Variants in SLX4 observed in about 807,000 individuals in gnomAD.
The protein encoded by SLX4 is structure-specific endonuclease subunit SLX4.
Under a neutral mutation model 146.2 loss-of-function variants are expected in SLX4, and 112 were observed. That is an observed-to-expected ratio of 0.77 (90% CI 0.66 to 0.90). The LOEUF is 0.90. SLX4 is among the 40% of genes least tolerant of loss of function. The pLI, the probability that SLX4 is intolerant of heterozygous loss-of-function variation, is 0.00. For synonymous variants in SLX4, 1,061 were observed against 997.7 expected (o/e 1.06, Z -1.20); for missense variants, 2,563 against 2,392.7 (o/e 1.07, Z -1.49).
intron 5 of SLX4, among the ~76,000 whole-genome samples, chr16:3,599,759 T>A (rs1432144820): frequency 3.3e-5 from 5 of 152,068 alleles, no homozygotes; most frequent in Admixed American, 6.6e-5. Context: ...GCTAATTTTT[T>A]AATTTTTTGT....
rs750475726 is a variant in SLX4 at position 3,602,262 on chromosome 16, G to A, written c.806C>T (p.Ala269Val). ...TGCAAACTCCTGCTGCAGGGTCAAG[G>A]CCACCGCAGCGTCGCTCTCTGGGGC... ...PPAPESDAAV[A>V]LTLQQEFARV... Residue 269 changes from alanine to valine, a missense_variant, in exon 4 of 15, where the codon GCC (alanine) becomes GTC (valine). Coordinates refer to ENST00000294008, the MANE Select transcript of SLX4 (RefSeq NM_032444.4). The A allele has an allele frequency of 6.2e-6, 10 of 1,614,030 alleles. No homozygotes were observed. Among genetic ancestry groups the A allele is most frequent in the Non-Finnish European group, 8.5e-6 (10 of 1,180,050 alleles).
chr16:3,589,143 C>G lies in SLX4; in HGVS notation c.4495G>C (p.Gly1499Arg), dbSNP rs746008018. Residue 1499 changes from glycine to arginine, a missense_variant, in exon 12 of 15, where the codon GGG becomes CGG. Transcript: ENST00000294008. The surrounding 1 kb of genome is among the most constrained non-coding windows in gnomAD (Gnocchi z 6.2). ...TTCAGAAAGCTCGGCCTGCTATTCC[C>G]CAGGGAGCCCGCGCCCGAGGACTTC... ...QEKSSGAGSL[G>R]NSRPSFLNSA... 1 of 1,614,134 alleles carries G rather than the reference C, an allele frequency of 6.2e-7. No homozygotes were observed. Among genetic ancestry groups the G allele is most frequent in the Non-Finnish European group, 8.5e-7 (1 of 1,179,994 alleles).
intron 3 of SLX4, among the ~76,000 whole-genome samples, chr16:3,603,564 G>A (rs895134099): frequency 1.3e-5 from 2 of 152,216 alleles, no homozygotes; most frequent in Non-Finnish European, 2.9e-5. Flanking sequence ...AGACTCCTCC[G>A]TGCTACTGCA....
At position 3,597,959 on chromosome 16, in the gene SLX4, T is replaced by C. The variant is rs1360701575; in HGVS notation, c.1204A>G (p.Thr402Ala). ...HSRGLKRRGPTSKKEPRKRRK... is the reference protein window; with the variant it reads ...HSRGLKRRGPASKKEPRKRRK... ...CTCTTCCGTGGCTCCTTCTTGCTGG[T>C]GGGTCCTCTCCGTTTCAGACCTCTA... is the stretch of plus-strand genomic sequence containing the variant. Residue 402 changes from threonine to alanine, a missense_variant, in exon 6 of 15, where the codon ACC becomes GCC. Physicochemically the swap from Thr to Ala is moderately conservative, Grantham distance 58. Coordinates refer to ENST00000294008, the MANE Select transcript of SLX4 (RefSeq NM_032444.4). This position sits in a 1 kb window ranked among gnomAD's most constrained non-coding sequence, Gnocchi z 4.4. 3 of 1,614,028 alleles carry C rather than the reference T, an allele frequency of 1.9e-6. No individual in the cohort carries two copies. The highest frequency in any genetic ancestry group is 2.5e-6 in the Non-Finnish European group (3 of 1,180,038).
At position 3,589,655 on chromosome 16, in the gene SLX4, AC is replaced by A; in HGVS notation, c.3982del (p.Val1328SerfsTer47). 3.7e-6 allele frequency: 6 copies of A among 1,613,898 alleles called. No homozygotes were observed. Among genetic ancestry groups the A allele is most frequent in the Non-Finnish European group, 5.1e-6 (6 of 1,179,992 alleles). The part of the protein sequence containing the change: ...PQTPSSCLTP[V>X]SPGTSDGRRQ... ...TCTGCCGTCAGAAGTTCCTGGAGAGACGGGAGTGAGGCATGAGGACGGTGTC... is the reference window on the plus strand; with the variant it reads ...TCTGCCGTCAGAAGTTCCTGGAGAGAGGGAGTGAGGCATGAGGACGGTGTC... On this transcript the variant is annotated frameshift_variant, in exon 12 of 15. Coordinates refer to ENST00000294008, the MANE Select transcript of SLX4 (RefSeq NM_032444.4). LOFTEE classifies it high-confidence loss of function. The surrounding 1 kb of genome is among the most constrained non-coding windows in gnomAD (Gnocchi z 6.2).
intron 5 of SLX4, among the ~76,000 whole-genome samples, chr16:3,599,056 T>C (rs1021916398): frequency 1.1e-4 from 16 of 152,218 alleles, no homozygotes; most frequent in African/African-American, 3.9e-4. Context: ...GTTTCAGTAC[T>C]TGGAGGTATT....
chr16:3,589,839 G>A lies in SLX4; in HGVS notation c.3799C>T (p.Arg1267Cys), dbSNP rs201422743. 13 of 1,613,408 alleles carry A rather than the reference G, an allele frequency of 8.1e-6. No individual in the cohort carries two copies. The highest frequency in any genetic ancestry group is 5.0e-5 in the Admixed American group (3 of 60,020). ...VPATPLASRS[R>C]DCSSQTQISS... ...ATTTGGGTCTGGGAAGAACAGTCAC[G>A]GCTTCTGCTGGCCAGCGGGGTGGCG... The change falls in exon 12 of 15, where the codon CGT becomes TGT. Residue 1267 changes from arginine (R) to cysteine (C), a missense_variant. Transcript: ENST00000294008. This position sits in a 1 kb window ranked among gnomAD's most constrained non-coding sequence, Gnocchi z 6.2.
chr16:3,609,967 CAGAAAGAGACA>C (rs2040833584), intron 1 of SLX4, among the ~76,000 whole-genome samples: 1 of 152,200 alleles, frequency 6.6e-6, no homozygotes, highest in Non-Finnish European at 1.5e-5. Context: ...ACATAAGAGA[CAGAAAGAGACA>C]TTATATTCTC....
At chr16:3,598,815 G>T (rs1400800530) in intron 5 of SLX4, among the ~76,000 whole-genome samples, 4 of 152,244 alleles carry the variant, frequency 2.6e-5, no homozygotes, top group Non-Finnish European at 5.9e-5. Context: ...TGCCTGGGCA[G>T]CCTGGGACCC....
At chr16:3,601,231 A>G (rs1173168646) in intron 4 of SLX4, 40 bp from the exon 5 acceptor site, 5 of 1,602,834 alleles carry the variant, frequency 3.1e-6, no homozygotes, top group Non-Finnish European at 4.3e-6. Context: ...CACCCTCCCC[A>G]GGAATGTGGA....
chr16:3,588,886 T>C, intron 12 of SLX4, 116 bp downstream of exon 12: 1 of 1,321,400 alleles, frequency 7.6e-7, no homozygotes, highest in Non-Finnish European at 1.1e-6. Context: ...GTGTCATGCC[T>C]CAGGTCAGCA....
At chr16:3,587,732 CG>C (rs2040523847) in intron 12 of SLX4, among the ~76,000 whole-genome samples, 1 of 151,956 alleles carries the variant, frequency 6.6e-6, no homozygotes, top group Non-Finnish European at 1.5e-5. Flanking sequence ...GGCTGGGCCA[CG>C]GGCGTGCTAT....
chr16:3,594,351 G>A, intron 10 of SLX4, 102 bp downstream of exon 10: 1 of 1,470,564 alleles, frequency 6.8e-7, no homozygotes, highest in Non-Finnish European at 9.3e-7. Flanking sequence ...AGAGTGGGGG[G>A]GTGGAAAGGG....
At chr16:3,603,620 G>A (rs1443104772) in intron 3 of SLX4, among the ~76,000 whole-genome samples, 2 of 152,242 alleles carry the variant, frequency 1.3e-5, no homozygotes, top group African/African-American at 4.8e-5. Flanking sequence ...CTTATTAGCT[G>A]TAGGTCTGCC....
intron 10 of SLX4, among the ~76,000 whole-genome samples, 184 bp downstream of exon 10, chr16:3,594,269 C>T (rs1412667725): frequency 6.6e-6 from 1 of 152,086 alleles, no homozygotes; most frequent in Non-Finnish European, 1.5e-5. Flanking sequence ...GTCTTTATCT[C>T]TTCTCCACGT....
At position 3,583,487 on chromosome 16, in the gene SLX4, T is replaced by C. The variant is rs2040468321; in HGVS notation, c.4763A>G (p.Lys1588Arg). The change falls in exon 14 of 15, where the codon AAA becomes AGA. Residue 1588 changes from lysine to arginine, a missense_variant. By Grantham distance (26) the Lys-to-Arg change is conservative. Coordinates refer to ENST00000294008, the MANE Select transcript of SLX4 (RefSeq NM_032444.4). The stretch of plus-strand genomic sequence containing the variant: ...CTTCAGCTTCAGAACCATCTGGCGT[T>C]TAGGCAGAGGGCGGACTCCAAACCT... Reference protein sequence around the residue: ...LDRFGVRPLPKRQMVLKLKEI... With the variant: ...LDRFGVRPLPRRQMVLKLKEI... 6.2e-7 allele frequency: 1 copy of C among 1,614,020 alleles called. No individual in the cohort carries two copies. The highest frequency in any genetic ancestry group is 1.3e-5 in the African/African-American group (1 of 74,914).
Position 3,591,330 on chromosome 16 carries a change from C to A in SLX4, c.2328-20G>T, listed in dbSNP as rs538060054. 17 of 1,607,608 alleles carry A rather than the reference C, an allele frequency of 1.1e-5. No individual in the cohort carries two copies. The highest frequency in any genetic ancestry group is 1.4e-5 in the Non-Finnish European group (16 of 1,180,014). On this transcript the variant is annotated intron_variant, in intron 11 of 14. Transcript: ENST00000294008. ...CCAAACCTGCAACACGAAACATCGA[C>A]AGTCATCGCCCCTCTGCGTGGAGAT...
rs758748 is a variant in SLX4 at position 3,583,656 on chromosome 16, A to G, written c.4740-146T>C. On this transcript the variant is annotated intron_variant, in intron 13 of 14. Transcript: ENST00000294008. ...TAGATGCCTGACTTCTGTGAGCATC[A>G]GAGGTTAGTGTCTATTCTAGGCGCC... 0.066 allele frequency: 56,990 copies of G among 861,850 alleles called. 2,157 individuals carry two copies. Among genetic ancestry groups the G allele is most frequent in the African/African-American group, 0.1 (6,083 of 60,330 alleles). The allele number at this position is 861,850 out of a possible 1,614,324, so 53.4% of individuals were successfully genotyped here.
At position 3,590,902 on chromosome 16, in the gene SLX4, T is replaced by C. The variant is rs1162992846; in HGVS notation, c.2736A>G (p.Gly912=). ...CCCAGGTGGTGGCGGCCTCATCTCT[T>C]CCTGGCTCCAACGGCTCCATCTCCT... ...KVEEMEPLEP[G]RDEAATTWEK... is the part of the protein sequence containing the mutation. The change falls in exon 12 of 15, where the codon GGA becomes GGG. Residue 912 remains glycine (G), a synonymous_variant. Transcript: ENST00000294008. The surrounding 1 kb of genome is among the most constrained non-coding windows in gnomAD (Gnocchi z 4.8). 6.2e-7 allele frequency: 1 copy of C among 1,614,030 alleles called. No homozygotes were observed.
Sources: allele counts gnomAD v4.1 joint callset (sites outside exome capture counted in the v4.1 genomes callset), GRCh38; gene constraint gnomAD v4.1.1; non-coding constraint Gnocchi (gnomAD v3.1); transcripts MANE v1.5; gene names NCBI Gene and HGNC (gene_info 2026-07-23, HGNC 2026-07-21).